Variants in FAM161B observed in about 807,000 individuals in gnomAD.
The protein encoded by FAM161B is protein FAM161B.
In FAM161B, 46 loss-of-function variants were observed where a neutral mutation model predicts 61.5. The ratio of observed to expected loss-of-function variants is 0.75; its 90% confidence interval spans 0.59 to 0.96. FAM161B has a LOEUF of 0.96. FAM161B is among the 40% of genes least tolerant of loss of function. FAM161B has a pLI of 0.00. For missense variants in FAM161B, 774 were observed against 800.7 expected, an observed-to-expected ratio of 0.97 and a Z score of 0.40; for synonymous variants, 284 against 302.7, an observed-to-expected ratio of 0.94 and a Z score of 0.64.
At chr14:73,923,059 G>T in the FAM161B span, among the ~76,000 whole-genome samples, 18 of 152,250 alleles carry the variant, frequency 1.2e-4, no homozygotes, top group East Asian at 1.3e-3. Context: ...AGTGCTATTA[G>T]TATCATTGGC....
rs1372650419 is a variant in FAM161B, at chr14:73,932,660, T to TGTCA, written c.*1592_*1595dup. On this transcript the variant is annotated 3_prime_UTR_variant, in exon 9 of 9. Coordinates refer to ENST00000286544, the MANE Select transcript of FAM161B (RefSeq NM_152445.3). The stretch of plus-strand genomic sequence containing the variant: ...TATGATTTGAGATGGGGTCTTGCTC[T>TGTCA]GTCACCCAGGCTGGAGTGCAGTAGT... 1 of 364,516 alleles carries TGTCA rather than the reference T, an allele frequency of 2.7e-6. No individual in the cohort carries two copies. Among genetic ancestry groups the TGTCA allele is most frequent in the South Asian group, 2.1e-5 (1 of 47,226 alleles). 22.6% of individuals were successfully genotyped at this position (364,516 alleles called of 1,614,324 possible). A position where few individuals can be genotyped will look rare whatever the true frequency, so the allele number is the denominator to read the frequency against.
chr14:73,944,385 C>G lies in FAM161B; in HGVS notation c.875G>C (p.Arg292Thr), dbSNP rs1192421499. 1 of 1,605,482 alleles carries G rather than the reference C, an allele frequency of 6.2e-7. No individual in the cohort carries two copies. The highest frequency in any genetic ancestry group is 8.5e-7 in the Non-Finnish European group (1 of 1,173,110). Residue 292 changes from arginine to threonine, a missense_variant, in exon 3 of 9, where the codon AGA becomes ACA. Arg to Thr is a moderately conservative substitution (Grantham distance 71). Transcript: ENST00000286544. Reference sequence around the variant, plus strand: ...CTCCAGAATGGACTTGGGAATCCTTCTGGTGGCCTTCTGCTTGGAGATCTT... The same window carrying G: ...CTCCAGAATGGACTTGGGAATCCTTGTGGTGGCCTTCTGCTTGGAGATCTT... ...EAKISKQKAT[R>T]RIPKSILEPA...
In FAM161B at chr14:73,936,060, C is replaced by T; in HGVS notation, c.1694G>A (p.Trp565Ter). The change falls in exon 8 of 9, where the codon TGG becomes TAG. Residue 565 changes from tryptophan to a stop codon, truncating the protein, a stop_gained. Transcript: ENST00000286544. LOFTEE classifies it high-confidence loss of function. Reference sequence around the variant, plus strand: ...AGCCTGCTTCAGGGTGTCTAGATACCACTGTTCTGCTTCTTTCTTGGCTAG... The same window carrying T: ...AGCCTGCTTCAGGGTGTCTAGATACTACTGTTCTGCTTCTTTCTTGGCTAG... The part of the protein sequence containing the change: ...KDLAKKEAEQ[W>*]YLDTLKQAGL... 2 of 1,612,018 alleles carry T rather than the reference C, an allele frequency of 1.2e-6. No individual in the cohort carries two copies. Among genetic ancestry groups the T allele is most frequent in the Non-Finnish European group, 1.7e-6 (2 of 1,178,850 alleles).
chr14:73,946,083 A>T (rs960841705), intron 2 of FAM161B, among the ~76,000 whole-genome samples: 3 of 152,222 alleles, frequency 2.0e-5, no homozygotes, highest in Admixed American at 6.5e-5. Context: ...CACTGGACTA[A>T]GTGTTGCCCA....
the FAM161B span, among the ~76,000 whole-genome samples, chr14:73,926,170 T>C: frequency 2.0e-5 from 3 of 152,216 alleles, no homozygotes; most frequent in African/African-American, 7.2e-5. Flanking sequence ...TTTCAGTATA[T>C]GCCTCTAACA....
chr14:73,943,942 G>A (rs143806084), intron 3 of FAM161B, among the ~76,000 whole-genome samples: 11 of 152,240 alleles, frequency 7.2e-5, no homozygotes, highest in Admixed American at 2.6e-4. Flanking sequence ...TTCGGCGATT[G>A]ACACTACCTC....
chr14:73,940,887 A>G lies in FAM161B; in HGVS notation c.1400+39T>C, dbSNP rs1461900396. ...AGGGAGGTTTCCAGCATTTGGGGCC[A>G]GAATCAGAGCATGGGTCTCGTGCAG... is the stretch of plus-strand genomic sequence containing the variant. On this transcript the variant is annotated intron_variant, in intron 5 of 8. Transcript: ENST00000286544. The G allele has an allele frequency of 2.6e-6, 4 of 1,566,458 alleles. No individual in the cohort carries two copies. The South Asian group carries it at 4.7e-5, about 18-fold the overall frequency.
chr14:73,940,868 G>C, intron 5 of FAM161B, 58 bp downstream of exon 5: 1 of 1,554,070 alleles, frequency 6.4e-7, no homozygotes, highest in Non-Finnish European at 8.7e-7. Context: ...TGGCAGGGAG[G>C]TTTCCAGCAT....
At position 73,932,490 on chromosome 14, in the gene FAM161B, G is replaced by A. The variant is rs1295591604; in HGVS notation, c.*1766C>T. On this transcript the variant is annotated 3_prime_UTR_variant, in exon 9 of 9. Coordinates refer to ENST00000286544, the MANE Select transcript of FAM161B (RefSeq NM_152445.3). ...CAAAAAAGACGCATCTGAGAAAATG[G>A]CAATAAAAACAGATACTTCTGAATT... The A allele has an allele frequency of 2.2e-6, 1 of 453,324 alleles. No homozygotes were observed. The allele number at this position is 453,324 out of a possible 1,614,324, so 28.1% of individuals were successfully genotyped here.
chr14:73,924,116 T>C, the FAM161B span, among the ~76,000 whole-genome samples: 1 of 152,242 alleles, frequency 6.6e-6, no homozygotes, highest in Non-Finnish European at 1.5e-5. Context: ...ACTTGCTTGC[T>C]AAGTGAGAAC....
intron 7 of FAM161B, 147 bp from the exon 8 acceptor site, chr14:73,936,235 G>T: frequency 1.1e-6 from 1 of 944,622 alleles, no homozygotes; most frequent in Non-Finnish European, 1.5e-6. Flanking sequence ...TTTAACCCTT[G>T]TTTTCCAGCC....
the FAM161B span, chr14:73,923,432 A>G: frequency 5.6e-6 from 9 of 1,613,904 alleles, no homozygotes; most frequent in African/African-American, 8.0e-5. Context: ...CCCTGTCTTC[A>G]GTGCCTGATG....
intron 4 of FAM161B, 51 bp from the exon 5 acceptor site, chr14:73,941,104 C>CTT: frequency 1.9e-6 from 2 of 1,034,078 alleles, no homozygotes; most frequent in Non-Finnish European, 2.7e-6. Context: ...TGATTAGTTT[C>CTT]TATCTTTTTT....
rs1033794364 is a variant in FAM161B, at chr14:73,932,687, T to TAATC, written c.*1565_*1568dup. The TAATC allele has an allele frequency of 2.9e-6, 1 of 348,486 alleles. No homozygotes were observed. Among genetic ancestry groups the TAATC allele is most frequent in the African/African-American group, 2.1e-5 (1 of 46,512 alleles). 21.6% of individuals were successfully genotyped at this position (348,486 alleles called of 1,614,324 possible). Reference sequence around the variant, plus strand: ...TCACCCAGGCTGGAGTGCAGTAGTGTAATCATAGCTCAATGTAACCTTGAA... The same window carrying TAATC: ...TCACCCAGGCTGGAGTGCAGTAGTGTAATCAATCATAGCTCAATGTAACCTTGAA... On this transcript the variant is annotated 3_prime_UTR_variant, in exon 9 of 9. Transcript: ENST00000286544.
At chr14:73,943,589 G>A (rs1437455848) in intron 3 of FAM161B, among the ~76,000 whole-genome samples, 1 of 152,038 alleles carries the variant, frequency 6.6e-6, no homozygotes, top group Admixed American at 6.6e-5. Flanking sequence ...CATTCTGCCT[G>A]CTCCACTTCT....
At chr14:73,941,105 T>G in intron 4 of FAM161B, 52 bp from the exon 5 acceptor site, 1 of 1,427,328 alleles carries the variant, frequency 7.0e-7, no homozygotes, top group Non-Finnish European at 9.3e-7. Flanking sequence ...GATTAGTTTC[T>G]ATCTTTTTTT....
chr14:73,923,508 G>C, the FAM161B span: 1 of 1,612,986 alleles, frequency 6.2e-7, no homozygotes, highest in South Asian at 1.1e-5. Flanking sequence ...CTTAACTGCA[G>C]TAAATCCACA....
rs528209930 is a variant in FAM161B at position 73,949,796 on chromosome 14, C to G, written c.54+177G>C. ...GAGTGACATTGCCTATCAAGAGCCTCGTATAAAGTCCGAGAGGTTCAGGTC... is the reference window on the plus strand; with the variant it reads ...GAGTGACATTGCCTATCAAGAGCCTGGTATAAAGTCCGAGAGGTTCAGGTC... On this transcript the variant is annotated intron_variant, in intron 1 of 8. Transcript: ENST00000286544. 128 of 815,200 alleles carry G rather than the reference C, an allele frequency of 1.6e-4. No individual in the cohort carries two copies. The East Asian group carries it at 2.0e-3, about 13-fold the overall frequency. The allele number at this position is 815,200 out of a possible 1,614,324, so 50.5% of individuals were successfully genotyped here.
the FAM161B span, chr14:73,923,597 A>G: frequency 6.6e-7 from 1 of 1,524,210 alleles, no homozygotes; most frequent in African/African-American, 1.4e-5. Context: ...GGACCTGAAA[A>G]AGTCTCCAGT....
Sources: allele counts gnomAD v4.1 joint callset (sites outside exome capture counted in the v4.1 genomes callset), GRCh38; gene constraint gnomAD v4.1.1; transcripts MANE v1.5; gene names NCBI Gene and HGNC (gene_info 2026-07-23, HGNC 2026-07-21).